The following PHACTR2 variants were observed in gnomAD, a reference collection of about 807,000 sequenced individuals.
The protein encoded by PHACTR2 is phosphatase and actin regulator 2.
PHACTR2 carries 30 observed loss-of-function variants against 76.0 expected under a neutral mutation model. That is an observed-to-expected ratio of 0.39 (90% CI 0.30 to 0.54). The LOEUF is 0.54. Among genes scored for constraint, PHACTR2 ranks in the 20% least tolerant of loss-of-function variants. The pLI, the probability that PHACTR2 is intolerant of heterozygous loss-of-function variation, is 0.61. For synonymous variants in PHACTR2, 292 were observed against 292.5 expected, an observed-to-expected ratio of 1.00 and a Z score of 0.02; for missense variants, 696 against 781.1, an observed-to-expected ratio of 0.89 and a Z score of 1.30.
intron 1 of PHACTR2, among the ~76,000 whole-genome samples, chr6:143,635,894 T>C (rs1776443882): frequency 6.6e-6 from 1 of 152,180 alleles, no homozygotes; most frequent in Non-Finnish European, 1.5e-5. Context: ...TTAGAAAAGC[T>C]CTCCCCTTCC....
At chr6:143,626,141 G>T (rs1417606146) in intron 1 of PHACTR2, among the ~76,000 whole-genome samples, 1 of 152,150 alleles carries the variant, frequency 6.6e-6, no homozygotes, top group Admixed American at 6.5e-5. Flanking sequence ...AAGATGCTAA[G>T]AATTTTACCT....
chr6:143,717,968 C>T (rs1778339833), intron 2 of PHACTR2, among the ~76,000 whole-genome samples: 1 of 152,106 alleles, frequency 6.6e-6, no homozygotes, highest in Admixed American at 6.5e-5. Flanking sequence ...CAGCCATGTA[C>T]CACTGTTAAG....
rs893726120 is a variant in PHACTR2, at chr6:143,733,950, G to A, written c.215-15035G>A. On this transcript the variant is annotated intron_variant, in intron 2 of 12. Coordinates refer to ENST00000440869, the MANE Select transcript of PHACTR2 (RefSeq NM_001100164.2). The surrounding 1 kb of genome is among the most constrained non-coding windows in gnomAD (Gnocchi z 4.0). ...AAAGGTATATAATTGTGTTAAAACA[G>A]ATTTCCTCTATGTGCTCTAAATATA... Among the ~76,000 whole-genome samples, 1 of 152,090 alleles carries A rather than the reference G, an allele frequency of 6.6e-6. No individual in the cohort carries two copies. The highest frequency in any genetic ancestry group is 1.5e-5 in the Non-Finnish European group (1 of 68,016).
Position 143,819,532 on chromosome 6 carries a change from A to G in PHACTR2, c.1923-4142A>G, listed in dbSNP as rs75208435. Among the ~76,000 whole-genome samples the G allele has an allele frequency of 0.087, 13,235 of 152,210 alleles. 696 individuals carry two copies. Among genetic ancestry groups the G allele is most frequent in the Admixed American group, 0.17 (2,640 of 15,274 alleles). ...GGCTGTCGGCAACCTGGAGACCCTG[A>G]GATGCTGGTAGCCTGGCTCAGTCCA... On this transcript the variant is annotated intron_variant, in intron 12 of 12. Coordinates refer to ENST00000440869, the MANE Select transcript of PHACTR2 (RefSeq NM_001100164.2). This position sits in a 1 kb window ranked among gnomAD's most constrained non-coding sequence, Gnocchi z 5.0.
intron 12 of PHACTR2, among the ~76,000 whole-genome samples, chr6:143,808,907 T>G (rs545066086): frequency 2.2e-4 from 34 of 152,290 alleles, no homozygotes; most frequent in African/African-American, 7.7e-4. Context: ...GAAAAATGTA[T>G]GCTAAAATGT....
chr6:143,715,140 G>A (rs1004703706), intron 2 of PHACTR2, among the ~76,000 whole-genome samples: 3 of 152,000 alleles, frequency 2.0e-5, no homozygotes, highest in Admixed American at 6.6e-5. Flanking sequence ...CCAAGCCTCC[G>A]AACCATTAAA....
intron 1 of PHACTR2, among the ~76,000 whole-genome samples, chr6:143,565,478 CGTG>C (rs1194972088): frequency 6.6e-6 from 1 of 151,754 alleles, no homozygotes; most frequent in Non-Finnish European, 1.5e-5. Context: ...ATTAGCCGGG[CGTG>C]GTGGTGGGCG....
At chr6:143,737,986 A>G (rs999861257) in intron 2 of PHACTR2, among the ~76,000 whole-genome samples, 2 of 152,236 alleles carry the variant, frequency 1.3e-5, no homozygotes, top group African/African-American at 4.8e-5. Context: ...GAAAGTAATA[A>G]ACATGGATTT....
Position 143,753,691 on chromosome 6 carries a change from T to G in PHACTR2, c.296-63T>G. 8.1e-7 allele frequency: 1 copy of G among 1,241,988 alleles called. No individual in the cohort carries two copies. The highest frequency in any genetic ancestry group is 1.1e-6 in the Non-Finnish European group (1 of 885,504). The allele number at this position is 1,241,988 out of a possible 1,614,324, so 76.9% of individuals were successfully genotyped here. On this transcript the variant is annotated intron_variant, in intron 3 of 12. Coordinates refer to ENST00000440869, the MANE Select transcript of PHACTR2 (RefSeq NM_001100164.2). This position sits in a 1 kb window ranked among gnomAD's most constrained non-coding sequence, Gnocchi z 4.6. ...ATCTAAATTTTACAATCCTAGTAAC[T>G]GGAAAACTTGTTTTTAAGAAAGCCA...
In PHACTR2 at chr6:143,750,491, A is replaced by T. The variant is rs2128470014; in HGVS notation, c.295+1426A>T. 6.6e-6 allele frequency among the ~76,000 whole-genome samples: 1 copy of T among 152,332 alleles called. No homozygotes were observed. The highest frequency in any genetic ancestry group is 1.9e-4 in the East Asian group (1 of 5,194). On this transcript the variant is annotated intron_variant, in intron 3 of 12. Coordinates refer to ENST00000440869, the MANE Select transcript of PHACTR2 (RefSeq NM_001100164.2). The surrounding 1 kb of genome is among the most constrained non-coding windows in gnomAD (Gnocchi z 4.6). Reference sequence around the variant, plus strand: ...GGATGGGCCAATGCATTTATTAGACATCGTTTATTTAGAAATATTTTAAAG... The same window carrying T: ...GGATGGGCCAATGCATTTATTAGACTTCGTTTATTTAGAAATATTTTAAAG...
chr6:143,771,174 G>GTGTATATATACA lies in PHACTR2; in HGVS notation c.1233-1083_1233-1082insGTATATATACAT, dbSNP rs1249001189. On this transcript the variant is annotated intron_variant, in intron 6 of 12. Coordinates refer to ENST00000440869, the MANE Select transcript of PHACTR2 (RefSeq NM_001100164.2). ...TATATATATGTATATATATATATAT[G>GTGTATATATACA]TATATATATATATATGTGTGTATAT... Among the ~76,000 whole-genome samples the GTGTATATATACA allele has an allele frequency of 3.4e-3, 235 of 68,884 alleles. 5 individuals are homozygous for GTGTATATATACA. Among genetic ancestry groups the GTGTATATATACA allele is most frequent in the Non-Finnish European group, 5.4e-3 (199 of 37,184 alleles). The allele number at this position is 68,884 out of a possible 152,430, so 45.2% of individuals were successfully genotyped here. A position where few individuals can be genotyped will look rare whatever the true frequency, so the allele number is the denominator to read the frequency against.
At chr6:143,687,321 G>A (rs1021840374) in intron 1 of PHACTR2, among the ~76,000 whole-genome samples, 1 of 152,134 alleles carries the variant, frequency 6.6e-6, no homozygotes, top group African/African-American at 2.4e-5. Context: ...AGTGGGGAAG[G>A]AAACAAGAAT....
At chr6:143,579,242 G>A (rs992786884) in intron 1 of PHACTR2, among the ~76,000 whole-genome samples, 1 of 152,122 alleles carries the variant, frequency 6.6e-6, no homozygotes, top group Non-Finnish European at 1.5e-5. Flanking sequence ...ATAGCTGTGT[G>A]AACAAGAAGG....
At chr6:143,773,319 TA>T (rs1237643891) in intron 7 of PHACTR2, among the ~76,000 whole-genome samples, 2 of 152,190 alleles carry the variant, frequency 1.3e-5, no homozygotes, top group Non-Finnish European at 2.9e-5. Flanking sequence ...TAATATCATT[TA>T]TGTATTAAAA....
rs1050115674 is a variant in PHACTR2 at position 143,764,500 on chromosome 6, G to A, written c.695-761G>A. 2.0e-5 allele frequency among the ~76,000 whole-genome samples: 3 copies of A among 147,768 alleles called. No individual in the cohort carries two copies. Among genetic ancestry groups the A allele is most frequent in the Non-Finnish European group, 4.4e-5 (3 of 67,420 alleles). Reference sequence around the variant, plus strand: ...TGCACCACTGCATTCCAGCCTGGGCGACAGAACAAGACCTTGTCTCAAAAA... The same window carrying A: ...TGCACCACTGCATTCCAGCCTGGGCAACAGAACAAGACCTTGTCTCAAAAA... On this transcript the variant is annotated intron_variant, in intron 5 of 12. Transcript: ENST00000440869. This position sits in a 1 kb window ranked among gnomAD's most constrained non-coding sequence, Gnocchi z 4.7.
At position 143,557,309 on chromosome 6, in the gene PHACTR2, T is replaced by C. The variant is rs979094361; in HGVS notation, c.217+20102T>C. The stretch of plus-strand genomic sequence containing the variant: ...ACTTTTATTTGCCCCATTTCACAGA[T>C]GGGGAAAGTGGAGAGGGAGGTAAAT... On this transcript the variant is annotated intron_variant, in intron 1 of 11. Transcript: ENST00000367584. The surrounding 1 kb of genome is among the most constrained non-coding windows in gnomAD (Gnocchi z 5.5). 6.6e-6 allele frequency among the ~76,000 whole-genome samples: 1 copy of C among 152,110 alleles called. No individual in the cohort carries two copies. Among genetic ancestry groups the C allele is most frequent in the African/African-American group, 2.4e-5 (1 of 41,434 alleles).
In PHACTR2 at chr6:143,816,502, A is replaced by G. The variant is rs1202648594; in HGVS notation, c.1923-7172A>G. ...TTTACCGAATCTGGGCAATCTATCT[A>G]AAGAGGGGTCATAGTTCTGACCTCT... is the stretch of plus-strand genomic sequence containing the variant. On this transcript the variant is annotated intron_variant, in intron 12 of 12. Transcript: ENST00000440869. This position sits in a 1 kb window ranked among gnomAD's most constrained non-coding sequence, Gnocchi z 4.5. Among the ~76,000 whole-genome samples the G allele has an allele frequency of 1.3e-5, 2 of 152,148 alleles. No individual in the cohort carries two copies. Among genetic ancestry groups the G allele is most frequent in the Non-Finnish European group, 2.9e-5 (2 of 68,036 alleles).
In PHACTR2 at chr6:143,780,804, T is replaced by C. The variant is rs1469688274; in HGVS notation, c.1646-2415T>C. Among the ~76,000 whole-genome samples, 2 of 152,212 alleles carry C rather than the reference T, an allele frequency of 1.3e-5. No individual in the cohort carries two copies. The highest frequency in any genetic ancestry group is 2.9e-5 in the Non-Finnish European group (2 of 68,040). Reference sequence around the variant, plus strand: ...AGATTTGTCAATGAACCACGTCACTTCCTTCATGCATATCCCACCAGCCTG... The same window carrying C: ...AGATTTGTCAATGAACCACGTCACTCCCTTCATGCATATCCCACCAGCCTG... On this transcript the variant is annotated intron_variant, in intron 9 of 12. Coordinates refer to ENST00000440869, the MANE Select transcript of PHACTR2 (RefSeq NM_001100164.2). This position sits in a 1 kb window ranked among gnomAD's most constrained non-coding sequence, Gnocchi z 4.4.
At chr6:143,673,131 T>C (rs1412862926), upstream of PHACTR2, among the ~76,000 whole-genome samples, 2 of 152,170 alleles carry the variant, frequency 1.3e-5, no homozygotes, top group Non-Finnish European at 2.9e-5. Flanking sequence ...GGAGAGTCCA[T>C]ACCTCACTTA....
Sources: allele counts gnomAD v4.1 joint callset (sites outside exome capture counted in the v4.1 genomes callset), GRCh38; gene constraint gnomAD v4.1.1; non-coding constraint Gnocchi (gnomAD v3.1); transcripts MANE v1.5; gene names NCBI Gene and HGNC (gene_info 2026-07-23, HGNC 2026-07-21).